Variants in EPM2A observed in about 807,000 individuals in gnomAD.
EPM2A encodes the protein laforin.
A neutral mutation model predicts 26.5 loss-of-function variants in EPM2A; 21 were observed. The observed-to-expected ratio is 0.79, with a 90% confidence interval of 0.56 to 1.14. EPM2A has a LOEUF of 1.14. Ranked by LOEUF, EPM2A falls within the 50% of genes most tolerant of loss-of-function variation. The pLI is 0.00. For missense variants in EPM2A, 458 were observed against 440.8 expected, an observed-to-expected ratio of 1.04 and a Z score of -0.35; for synonymous variants, 217 against 177.6, an observed-to-expected ratio of 1.22 and a Z score of -1.76.
At chr6:145,402,130 G>C (rs560977735) in intron 4 of EPM2A, among the ~76,000 whole-genome samples, 23 of 152,208 alleles carry the variant, frequency 1.5e-4, no homozygotes, top group African/African-American at 5.3e-4. Flanking sequence ...CAAAGAGCTA[G>C]GTAGTAACTT....
chr6:145,465,306 G>T (rs1562345587), intron 4 of EPM2A, among the ~76,000 whole-genome samples: 1 of 150,356 alleles, frequency 6.7e-6, no homozygotes. Context: ...CTCGAGCCTT[G>T]GTTTTCAGCT....
At chr6:145,420,664 T>C (rs1277684154) in intron 4 of EPM2A, among the ~76,000 whole-genome samples, 1 of 152,164 alleles carries the variant, frequency 6.6e-6, no homozygotes, top group Non-Finnish European at 1.5e-5. Context: ...GTACTAATTA[T>C]ACTATTTAAG....
chr6:145,395,982 A>G (rs1778400423), intron 4 of EPM2A, among the ~76,000 whole-genome samples: 1 of 152,162 alleles, frequency 6.6e-6, no homozygotes, highest in Non-Finnish European at 1.5e-5. Flanking sequence ...AGGGGGTAAT[A>G]TTTATACACA....
intron 2 of EPM2A, among the ~76,000 whole-genome samples, chr6:145,594,280 A>G (rs978729124): frequency 2.6e-5 from 4 of 151,898 alleles, no homozygotes; most frequent in Admixed American, 2.0e-4. Context: ...AATTAAATCA[A>G]TAATAAACCC....
intron 4 of EPM2A, among the ~76,000 whole-genome samples, chr6:145,437,752 G>C (rs1240343266): frequency 2.6e-5 from 4 of 152,308 alleles, no homozygotes; most frequent in Non-Finnish European, 4.4e-5. Context: ...AATACCAAGA[G>C]AGACCACAGC....
chr6:145,657,575 A>T (rs1401760679), intron 2 of EPM2A, among the ~76,000 whole-genome samples: 27 of 151,630 alleles, frequency 1.8e-4, no homozygotes, highest in Admixed American at 1.8e-3. Context: ...TGTTTCCTTT[A>T]TTCAGTTTCC....
chr6:145,689,561 C>G (rs543416890), intron 1 of EPM2A, among the ~76,000 whole-genome samples: 1 of 152,234 alleles, frequency 6.6e-6, no homozygotes, highest in South Asian at 2.1e-4. Context: ...AGCCAGCAAC[C>G]TGGTAACACA....
At chr6:145,454,022 G>T (rs1779230386) in intron 4 of EPM2A, among the ~76,000 whole-genome samples, 1 of 152,134 alleles carries the variant, frequency 6.6e-6, no homozygotes, top group Non-Finnish European at 1.5e-5. Context: ...CAGTTGAAGA[G>T]AATTACTCCC....
At chr6:145,629,479 GATGTCTCAGC>G (rs765115906) in intron 3 of EPM2A, 2 of 152,248 alleles carry the variant, frequency 1.3e-5, no homozygotes, top group Non-Finnish European at 2.9e-5. Flanking sequence ...GTGACAGCAA[GATGTCTCAGC>G]ATGTCTCAGG....
chr6:145,410,797 T>C (rs1232819428), intron 4 of EPM2A, among the ~76,000 whole-genome samples: 3 of 152,218 alleles, frequency 2.0e-5, no homozygotes, highest in Non-Finnish European at 4.4e-5. Flanking sequence ...GCCAAGTTTA[T>C]AAAGACATGT....
chr6:145,606,047 T>C (rs112417918), intron 2 of EPM2A, among the ~76,000 whole-genome samples: 2 of 152,262 alleles, frequency 1.3e-5, no homozygotes, highest in East Asian at 1.9e-4. Context: ...TTTACACCAA[T>C]TGGTAATTCC....
chr6:145,676,709 C>T lies in EPM2A; in HGVS notation c.476+9413G>A, dbSNP rs148292083. On this transcript the variant is annotated intron_variant, in intron 2 of 3. Transcript: ENST00000367519. ...ATGGATAAATTTCTGGACACATACA[C>T]CCTCCCAAGATTAAACCAGGAAGAA... Among the ~76,000 whole-genome samples, 659 of 152,220 alleles carry T rather than the reference C, an allele frequency of 4.3e-3. 4 individuals carry two copies. The highest frequency in any genetic ancestry group is 0.014 in the African/African-American group (571 of 41,514).
chr6:145,713,750 C>T (rs907810121), intron 1 of EPM2A, among the ~76,000 whole-genome samples: 5 of 152,138 alleles, frequency 3.3e-5, no homozygotes, highest in African/African-American at 1.2e-4. Context: ...ATACCCAATA[C>T]AAGTAAAAAC....
intron 4 of EPM2A, among the ~76,000 whole-genome samples, chr6:145,483,685 G>A (rs1015200982): frequency 6.6e-6 from 1 of 152,104 alleles, no homozygotes; most frequent in African/African-American, 2.4e-5. Context: ...AACAAGCTGT[G>A]GTGTTAAACA....
At chr6:145,657,942 C>T (rs978531099) in intron 2 of EPM2A, among the ~76,000 whole-genome samples, 2 of 152,200 alleles carry the variant, frequency 1.3e-5, no homozygotes, top group Non-Finnish European at 1.5e-5. Context: ...ACCAACCTCC[C>T]GTCAGCTTAG....
rs181881579 is a variant in EPM2A at position 145,453,429 on chromosome 6, T to C, written c.555+49093A>G. On this transcript the variant is annotated intron_variant, in intron 4 of 4. Coordinates refer to the EPM2A transcript ENST00000638717. ...TCAGAGGTTTTTGAGAGAGCCAGTGTCTGTTGTTGTTGTGTTTTTTTCTAA... is the reference window on the plus strand; with the variant it reads ...TCAGAGGTTTTTGAGAGAGCCAGTGCCTGTTGTTGTTGTGTTTTTTTCTAA... Among the ~76,000 whole-genome samples, 3 of 152,304 alleles carry C rather than the reference T, an allele frequency of 2.0e-5. No individual in the cohort carries two copies. In the East Asian group the frequency reaches 5.8e-4, roughly 29 times the overall value.
chr6:145,413,353 T>G (rs1272343702), intron 4 of EPM2A, among the ~76,000 whole-genome samples: 1 of 152,208 alleles, frequency 6.6e-6, no homozygotes, highest in Non-Finnish European at 1.5e-5. Flanking sequence ...TTATGACAAC[T>G]TTATATGATG....
intron 1 of EPM2A, among the ~76,000 whole-genome samples, chr6:145,699,935 T>G (rs1041033952): frequency 2.6e-5 from 4 of 152,196 alleles, no homozygotes; most frequent in African/African-American, 9.6e-5. Context: ...TATGCTTTCA[T>G]TTAAAATTAA....
chr6:145,701,691 T>C (rs1363747752), intron 1 of EPM2A, among the ~76,000 whole-genome samples: 1 of 152,144 alleles, frequency 6.6e-6, no homozygotes, highest in Non-Finnish European at 1.5e-5. Flanking sequence ...GAGAAACAAA[T>C]AATGGTGATA....
Sources: allele counts gnomAD v4.1 joint callset (sites outside exome capture counted in the v4.1 genomes callset), GRCh38; gene constraint gnomAD v4.1.1; transcripts MANE v1.5; gene names NCBI Gene and HGNC (gene_info 2026-07-23, HGNC 2026-07-21).